The following EPS8 variants were observed in gnomAD, a reference collection of about 807,000 sequenced individuals.
EPS8 encodes epidermal growth factor receptor kinase substrate 8.
A neutral mutation model predicts 103.8 loss-of-function variants in EPS8; 42 were observed. That is an observed-to-expected ratio of 0.40 (90% CI 0.32 to 0.52). The LOEUF (loss-of-function observed/expected upper bound fraction) is 0.52. Ranked by LOEUF, EPS8 falls within the 20% of genes least tolerant of loss-of-function variation. The probability of loss-of-function intolerance (pLI) is 0.40; values close to 1 mark genes in which losing one functional copy is unlikely to be tolerated. For missense variants in EPS8, 969 were observed against 1,005.1 expected, an observed-to-expected ratio of 0.96 and a Z score of 0.49; for synonymous variants, 344 against 344.6, an observed-to-expected ratio of 1.00 and a Z score of 0.02.
intron 1 of EPS8, among the ~76,000 whole-genome samples, chr12:15,715,394 C>CTTTTTTTTTTTTTTTTTTTTTTTTT (rs3086457): frequency 1.6e-5 from 2 of 127,184 alleles, no homozygotes; most frequent in Admixed American, 8.5e-5. Flanking sequence ...CTTTACTTTT[C>CTTTTTTTTTTTTTTTTTTTTTTTTT]TTTTTTTTTT....
intron 3 of EPS8, among the ~76,000 whole-genome samples, chr12:15,674,946 T>C (rs902565006): frequency 6.6e-6 from 1 of 152,184 alleles, no homozygotes; most frequent in African/African-American, 2.4e-5. Context: ...TAAGTACTAC[T>C]TGAATGTGTA....
Position 15,752,636 on chromosome 12 carries a change from G to A in EPS8, c.-22+36525C>T, listed in dbSNP as rs764320946. Among the ~76,000 whole-genome samples, 1 of 151,944 alleles carries A rather than the reference G, an allele frequency of 6.6e-6. No homozygotes were observed. Among genetic ancestry groups the A allele is most frequent in the Non-Finnish European group, 1.5e-5 (1 of 68,012 alleles). ...CTGAGAAAAAAAAGTCTTTATAATTGTAATAACCAATGGGTATGATTTCCC... is the reference window on the plus strand; with the variant it reads ...CTGAGAAAAAAAAGTCTTTATAATTATAATAACCAATGGGTATGATTTCCC... On this transcript the variant is annotated intron_variant, in intron 1 of 20. Transcript: ENST00000281172. This position sits in a 1 kb window ranked among gnomAD's most constrained non-coding sequence, Gnocchi z 4.4.
rs1176727788 is a variant in EPS8, at chr12:15,656,247, G to GAATACA, written c.1101+1826_1101+1831dup. ...AGCATCAAAAATGTTAAAAACTAAG[G>GAATACA]AATACAAATTTTGTTAATGAACTAG... On this transcript the variant is annotated intron_variant, in intron 12 of 20. Transcript: ENST00000281172. Among the ~76,000 whole-genome samples the GAATACA allele has an allele frequency of 5.3e-5, 8 of 152,128 alleles. No homozygotes were observed. In the East Asian group the frequency reaches 1.5e-3, roughly 29 times the overall value.
chr12:15,777,683 T>A lies in EPS8; in HGVS notation c.-22+11478A>T, dbSNP rs1947220798. ...AGTAATTGGAAAGCTATCAAAGTTATGAAAAATATACTTTTCTATTAAAGC... is the reference window on the plus strand; with the variant it reads ...AGTAATTGGAAAGCTATCAAAGTTAAGAAAAATATACTTTTCTATTAAAGC... On this transcript the variant is annotated intron_variant, in intron 1 of 20. Coordinates refer to ENST00000281172, the MANE Select transcript of EPS8 (RefSeq NM_004447.6). The surrounding 1 kb of genome is among the most constrained non-coding windows in gnomAD (Gnocchi z 4.7). 6.6e-6 allele frequency among the ~76,000 whole-genome samples: 1 copy of A among 152,154 alleles called. No homozygotes were observed. The highest frequency in any genetic ancestry group is 1.5e-5 in the Non-Finnish European group (1 of 68,036).
chr12:15,691,381 TAAA>T (rs113678020), intron 1 of EPS8, among the ~76,000 whole-genome samples: 1 of 150,302 alleles, frequency 6.7e-6, no homozygotes, highest in Non-Finnish European at 1.5e-5. Context: ...TTTCTACCAA[TAAA>T]AAAAAATTAA....
In EPS8 at chr12:15,752,223, G is replaced by A. The variant is rs543239077; in HGVS notation, c.-22+36938C>T. Among the ~76,000 whole-genome samples the A allele has an allele frequency of 3.3e-5, 5 of 152,220 alleles. No homozygotes were observed. Among genetic ancestry groups the A allele is most frequent in the South Asian group, 2.1e-4 (1 of 4,830 alleles). The stretch of plus-strand genomic sequence containing the variant: ...AGCACTTTGGGAGGCCGAGGCAGGC[G>A]GATCACGAGGTCAGGAGATCGAGAC... On this transcript the variant is annotated intron_variant, in intron 1 of 20. Coordinates refer to ENST00000281172, the MANE Select transcript of EPS8 (RefSeq NM_004447.6). The surrounding 1 kb of genome is among the most constrained non-coding windows in gnomAD (Gnocchi z 4.4).
chr12:15,668,154 T>C (rs1263828525), intron 6 of EPS8, among the ~76,000 whole-genome samples: 1 of 152,174 alleles, frequency 6.6e-6, no homozygotes, highest in Non-Finnish European at 1.5e-5. Context: ...ATACTATGAC[T>C]TTCAAAAGGC....
At position 15,749,283 on chromosome 12, in the gene EPS8, G is replaced by A. The variant is rs1228034945; in HGVS notation, c.-22+39878C>T. 6.6e-6 allele frequency among the ~76,000 whole-genome samples: 1 copy of A among 151,882 alleles called. No homozygotes were observed. Among genetic ancestry groups the A allele is most frequent in the African/African-American group, 2.4e-5 (1 of 41,320 alleles). On this transcript the variant is annotated intron_variant, in intron 1 of 20. Coordinates refer to ENST00000281172, the MANE Select transcript of EPS8 (RefSeq NM_004447.6). The surrounding 1 kb of genome is among the most constrained non-coding windows in gnomAD (Gnocchi z 4.0). ...AATATAATATCCTTTTATAGCACTC[G>A]CTGTCTGTGGCATTTCATTGACAAT...
intron 10 of EPS8, among the ~76,000 whole-genome samples, chr12:15,659,580 T>C (rs941970461): frequency 1.3e-5 from 2 of 152,134 alleles, no homozygotes; most frequent in Non-Finnish European, 2.9e-5. Flanking sequence ...TTTCAGAATA[T>C]GTGGAGAGGA....
intron 4 of EPS8, among the ~76,000 whole-genome samples, chr12:15,670,611 G>A (rs1430643780): frequency 6.6e-6 from 1 of 152,066 alleles, no homozygotes. Context: ...TCTATTATAA[G>A]TGAAATAAGA....
At chr12:15,641,007 C>T (rs937511808) in intron 16 of EPS8, among the ~76,000 whole-genome samples, 161 bp from the exon 17 acceptor site, 2 of 150,254 alleles carry the variant, frequency 1.3e-5, no homozygotes, top group African/African-American at 5.0e-5. Flanking sequence ...ACTAAGAAGA[C>T]ATTTATGAGT....
intron 1 of EPS8, among the ~76,000 whole-genome samples, chr12:15,773,222 A>G (rs901530192): frequency 1.3e-5 from 2 of 152,186 alleles, no homozygotes; most frequent in Non-Finnish European, 2.9e-5. Context: ...GGTACATATA[A>G]GAGAGAGAAG....
At chr12:15,659,238 G>A (rs1490693825) in intron 10 of EPS8, among the ~76,000 whole-genome samples, 1 of 152,100 alleles carries the variant, frequency 6.6e-6, no homozygotes, top group African/African-American at 2.4e-5. Flanking sequence ...ATAGAACATG[G>A]AACTAGCGTG....
intron 3 of EPS8, among the ~76,000 whole-genome samples, chr12:15,674,254 C>T (rs1351742627): frequency 6.6e-6 from 1 of 151,950 alleles, no homozygotes; most frequent in Non-Finnish European, 1.5e-5. Flanking sequence ...TTCTCTTTCT[C>T]TAAAAACAAA....
chr12:15,753,591 T>C (rs984781504), intron 1 of EPS8, among the ~76,000 whole-genome samples: 10 of 152,230 alleles, frequency 6.6e-5, no homozygotes, highest in Non-Finnish European at 1.2e-4. Context: ...TTCCATCTTA[T>C]GTATGTTACA....
At chr12:15,625,148 C>T (rs528616798) in intron 18 of EPS8, among the ~76,000 whole-genome samples, 4 of 152,264 alleles carry the variant, frequency 2.6e-5, no homozygotes, top group South Asian at 2.1e-4. Context: ...AGAAAACCTC[C>T]GTAAGTTCCT....
Position 15,640,739 on chromosome 12 carries a change from C to T in EPS8, c.1785G>A (p.Leu595=). ...LDIVRPPESG[L]GRADPPYTHT... ...GAGTATAAGGTGGATCAGCACGCCCCAATCCAGATTCTGGAGGTCTCACAA... is the reference window on the plus strand; with the variant it reads ...GAGTATAAGGTGGATCAGCACGCCCTAATCCAGATTCTGGAGGTCTCACAA... Residue 595 remains leucine, a synonymous_variant, in exon 17 of 21, where the codon TTG becomes TTA. Transcript: ENST00000281172. 6.2e-7 allele frequency: 1 copy of T among 1,613,938 alleles called. No individual in the cohort carries two copies. Among genetic ancestry groups the T allele is most frequent in the Non-Finnish European group, 8.5e-7 (1 of 1,179,830 alleles).
In EPS8 at chr12:15,757,890, A is replaced by G. The variant is rs1947004022; in HGVS notation, c.-22+31271T>C. ...GTACTAGCTCTCACAGTTTCTTTGC[A>G]TCAAGAATTCTGACAGATCTCAGCT... On this transcript the variant is annotated intron_variant, in intron 1 of 20. Coordinates refer to ENST00000281172, the MANE Select transcript of EPS8 (RefSeq NM_004447.6). The surrounding 1 kb of genome is among the most constrained non-coding windows in gnomAD (Gnocchi z 4.1). 6.6e-6 allele frequency among the ~76,000 whole-genome samples: 1 copy of G among 152,218 alleles called. No homozygotes were observed. Among genetic ancestry groups the G allele is most frequent in the South Asian group, 2.1e-4 (1 of 4,834 alleles).
intron 1 of EPS8, among the ~76,000 whole-genome samples, chr12:15,730,401 C>CA: frequency 1.3e-5 from 2 of 151,196 alleles, no homozygotes; most frequent in East Asian, 3.9e-4. Flanking sequence ...AAAAGCATGA[C>CA]TTTTTTTTTA....
Sources: gnomAD v4.1 joint callset for allele counts (sites outside exome capture counted in the v4.1 genomes callset) on GRCh38, gnomAD v4.1.1 for gene constraint, Gnocchi (gnomAD v3.1) non-coding constraint, MANE v1.5 for transcripts, NCBI Gene and HGNC (gene_info 2026-07-23, HGNC 2026-07-21) for gene names.